Variants in CGGBP1 observed in about 807,000 individuals in gnomAD.
CGGBP1 encodes the protein CGG triplet repeat-binding protein 1.
A neutral mutation model predicts 11.4 loss-of-function variants in CGGBP1; 4 were observed. The observed-to-expected ratio is 0.35, with a 90% CI of 0.17 to 0.80. The LOEUF is 0.80. Among genes scored for constraint, CGGBP1 ranks in the 30% least tolerant of loss-of-function variants. CGGBP1 has a pLI of 0.52. For synonymous variants in CGGBP1, 76 were observed against 74.1 expected (o/e 1.03, Z -0.13); for missense variants, 135 against 202.1 (o/e 0.67, Z 2.01).
intron 2 of CGGBP1, among the ~76,000 whole-genome samples, chr3:88,107,233 G>C (rs2107741519): frequency 6.6e-6 from 1 of 152,264 alleles, no homozygotes; most frequent in Non-Finnish European, 1.5e-5. Context: ...CACTAACGCT[G>C]AATGAATGCT....
intron 2 of CGGBP1, among the ~76,000 whole-genome samples, chr3:88,119,648 T>C (rs957927263): frequency 6.6e-5 from 10 of 152,152 alleles, no homozygotes; most frequent in African/African-American, 2.2e-4. Context: ...GTGTTCTTTC[T>C]GCTAAATCAA....
intron 2 of CGGBP1, among the ~76,000 whole-genome samples, chr3:88,129,356 A>G (rs1386258653): frequency 1.3e-5 from 2 of 149,534 alleles, no homozygotes; most frequent in Non-Finnish European, 3.0e-5. Context: ...CCCAAGAAGC[A>G]TTATGATCTT....
chr3:88,057,188 T>C lies in CGGBP1; in HGVS notation c.-24+3A>G, dbSNP rs943155729. 1 of 152,228 alleles carries C rather than the reference T, an allele frequency of 6.6e-6. No individual in the cohort carries two copies. Among genetic ancestry groups the C allele is most frequent in the South Asian group, 2.1e-4 (1 of 4,832 alleles). The allele number at this position is 152,228 out of a possible 1,614,324, so 9.4% of individuals were successfully genotyped here. On this transcript the variant is annotated splice_donor_region_variant and intron_variant, in intron 3 of 3. Transcript: ENST00000482016. ...AACGATGGAGTATTCCATGAATACA[T>C]ACTAGAGAATAGCTGGGTAACATGA...
chr3:88,096,347 A>G (rs1302651824), intron 2 of CGGBP1, among the ~76,000 whole-genome samples: 1 of 152,210 alleles, frequency 6.6e-6, no homozygotes, highest in East Asian at 1.9e-4. Context: ...GGTTGATGAG[A>G]GGAAGCAGCA....
chr3:88,119,491 T>C (rs550749963), intron 2 of CGGBP1, among the ~76,000 whole-genome samples: 2 of 149,604 alleles, frequency 1.3e-5, no homozygotes, highest in Admixed American at 6.7e-5. Flanking sequence ...TGTATACATA[T>C]GTAACTAACC....
At chr3:88,094,215 T>C (rs1217052004) in intron 2 of CGGBP1, among the ~76,000 whole-genome samples, 1 of 152,140 alleles carries the variant, frequency 6.6e-6, no homozygotes, top group African/African-American at 2.4e-5. Flanking sequence ...TAGGATTTGT[T>C]GTAGCTAAAG....
chr3:88,079,913 C>G (rs143408417), intron 2 of CGGBP1, among the ~76,000 whole-genome samples: 7 of 152,100 alleles, frequency 4.6e-5, no homozygotes, highest in Non-Finnish European at 7.4e-5. Flanking sequence ...AGATTTCACA[C>G]AAGTTTTAAC....
At chr3:88,096,831 T>C (rs572977145) in intron 2 of CGGBP1, among the ~76,000 whole-genome samples, 2 of 152,276 alleles carry the variant, frequency 1.3e-5, no homozygotes, top group Non-Finnish European at 2.9e-5. Flanking sequence ...TTTCTGTATC[T>C]GTAGCCATCC....
intron 2 of CGGBP1, chr3:88,128,916 A>G (rs1237378197): frequency 5.9e-6 from 9 of 1,535,538 alleles, no homozygotes; most frequent in Non-Finnish European, 7.0e-6. Context: ...TAAATCTTGT[A>G]TAAATCACCC....
At chr3:88,069,347 T>C (rs912667014) in intron 2 of CGGBP1, among the ~76,000 whole-genome samples, 1 of 152,092 alleles carries the variant, frequency 6.6e-6, no homozygotes, top group Non-Finnish European at 1.5e-5. Context: ...ACTTGAACTC[T>C]GGAGGCGGAG....
intron 2 of CGGBP1, chr3:88,129,109 A>C (rs1706285853): frequency 1.2e-6 from 1 of 821,130 alleles, no homozygotes; most frequent in Non-Finnish European, 1.8e-6. Flanking sequence ...AATTCCTTTT[A>C]CAGTAATGCC....
chr3:88,059,600 G>A, upstream of CGGBP1: 1 of 1,411,172 alleles, frequency 7.1e-7, no homozygotes. Flanking sequence ...TCTATGTCCA[G>A]TGCCCGCTCC....
At chr3:88,124,775 T>G (rs2107814964) in intron 2 of CGGBP1, among the ~76,000 whole-genome samples, 1 of 151,692 alleles carries the variant, frequency 6.6e-6, no homozygotes, top group Non-Finnish European at 1.5e-5. Context: ...ATACTCAGTT[T>G]TTTTTTTTTC....
At position 88,052,659 on chromosome 3, in the gene CGGBP1, A is replaced by G. The variant is rs1276874719; in HGVS notation, c.*2814T>C. On this transcript the variant is annotated 3_prime_UTR_variant, in exon 4 of 4. Transcript: ENST00000482016. ...CCATTATAAGATGCAGAACTTTTTA[A>G]TGTTTTCTGGTCCCTGAAAATTCAA... The G allele has an allele frequency of 2.0e-5, 3 of 152,344 alleles. No individual in the cohort carries two copies. The highest frequency in any genetic ancestry group is 7.2e-5 in the African/African-American group (3 of 41,460). The allele number at this position is 152,344 out of a possible 1,614,324, so 9.4% of individuals were successfully genotyped here.
intron 2 of CGGBP1, among the ~76,000 whole-genome samples, chr3:88,121,227 C>T (rs554875871): frequency 2.0e-5 from 3 of 152,162 alleles, no homozygotes; most frequent in African/African-American, 7.2e-5. Context: ...ATTTGTATTC[C>T]TAAAGTCAAT....
intron 2 of CGGBP1, among the ~76,000 whole-genome samples, chr3:88,115,167 G>A (rs1044235172): frequency 6.6e-6 from 1 of 152,118 alleles, no homozygotes; most frequent in African/African-American, 2.4e-5. Context: ...TTGTGGGAGG[G>A]GACCTGATAG....
upstream of CGGBP1, chr3:88,059,146 A>G (rs1706679787): frequency 2.4e-6 from 3 of 1,275,982 alleles, no homozygotes; most frequent in Non-Finnish European, 3.1e-6. Flanking sequence ...GTCTTCCAAT[A>G]AAAACTGGGG....
At chr3:88,113,743 A>C (rs1705230528) in intron 2 of CGGBP1, among the ~76,000 whole-genome samples, 1 of 152,128 alleles carries the variant, frequency 6.6e-6, no homozygotes, top group South Asian at 2.1e-4. Flanking sequence ...GGTGAAGTAA[A>C]GGAAGATGTA....
intron 2 of CGGBP1, among the ~76,000 whole-genome samples, chr3:88,134,813 C>A (rs1443457644): frequency 6.6e-6 from 1 of 151,988 alleles, no homozygotes; most frequent in Non-Finnish European, 1.5e-5. Context: ...CTGGAGACAT[C>A]TTAGGTATGC....
Sources: gnomAD v4.1 joint callset for allele counts (sites outside exome capture counted in the v4.1 genomes callset) on GRCh38, gnomAD v4.1.1 for gene constraint, MANE v1.5 for transcripts, NCBI Gene and HGNC (gene_info 2026-07-23, HGNC 2026-07-21) for gene names.